The following CABCOCO1 variants were observed in gnomAD, a reference collection of about 807,000 sequenced individuals.
CABCOCO1 encodes ciliary-associated calcium-binding coiled-coil protein 1.
A neutral mutation model predicts 35.7 loss-of-function variants in CABCOCO1; 28 were observed. That is an observed-to-expected ratio of 0.78 (90% confidence interval 0.58 to 1.07). The LOEUF is 1.07. Ranked by LOEUF, CABCOCO1 falls within the 50% of genes least tolerant of loss-of-function variation. CABCOCO1 has a pLI of 0.00. For missense variants in CABCOCO1, 326 were observed against 309.2 expected (o/e 1.05, Z -0.41); for synonymous variants, 95 against 100.1 (o/e 0.95, Z 0.30).
chr10:61,713,962 A>T (rs1840795930), intron 5 of CABCOCO1, among the ~76,000 whole-genome samples: 1 of 152,082 alleles, frequency 6.6e-6, no homozygotes, highest in South Asian at 2.1e-4. Flanking sequence ...ATATTGGTCT[A>T]CAATTCTCTT....
At chr10:61,708,885 A>C (rs1045899650) in intron 5 of CABCOCO1, among the ~76,000 whole-genome samples, 2 of 152,154 alleles carry the variant, frequency 1.3e-5, no homozygotes, top group Admixed American at 6.6e-5. Flanking sequence ...TTTGTATTTC[A>C]AGGACTCAAC....
intron 5 of CABCOCO1, among the ~76,000 whole-genome samples, chr10:61,742,887 T>C (rs1841579331): frequency 6.6e-6 from 1 of 152,174 alleles, no homozygotes; most frequent in Non-Finnish European, 1.5e-5. Flanking sequence ...CTTCTAGTCC[T>C]GAAAAGGAGG....
In CABCOCO1 at chr10:61,761,089, A is replaced by G. The variant is rs191240031; in HGVS notation, c.816+86A>G. On this transcript the variant is annotated intron_variant, in intron 7 of 7. Transcript: ENST00000648843. ...TTTAATGTCTATAAACACTCCCCACACTGCCAGCATGAGCGATGCTTATGA... is the reference window on the plus strand; with the variant it reads ...TTTAATGTCTATAAACACTCCCCACGCTGCCAGCATGAGCGATGCTTATGA... The G allele has an allele frequency of 2.4e-4, 338 of 1,389,192 alleles. 1 individual carries two copies. In the African/African-American group the frequency reaches 4.1e-3, roughly 17 times the overall value. The allele number at this position is 1,389,192 out of a possible 1,614,324, so 86.1% of individuals were successfully genotyped here.
intron 3 of CABCOCO1, among the ~76,000 whole-genome samples, chr10:61,683,204 T>C (rs1839852496): frequency 6.6e-6 from 1 of 152,108 alleles, no homozygotes; most frequent in Admixed American, 6.6e-5. Flanking sequence ...AATTCCTTAT[T>C]TAATCCTCCC....
intron 5 of CABCOCO1, among the ~76,000 whole-genome samples, chr10:61,751,500 G>C (rs994177481): frequency 3.3e-5 from 5 of 152,126 alleles, no homozygotes; most frequent in African/African-American, 1.2e-4. Flanking sequence ...AGAAGCTGGT[G>C]ATGCCACCAA....
At chr10:61,681,090 A>G in intron 2 of CABCOCO1, 53 bp from the exon 3 acceptor site, 4 of 1,125,890 alleles carry the variant, frequency 3.6e-6, no homozygotes, top group Non-Finnish European at 3.5e-6. Flanking sequence ...TAGGAAAGAA[A>G]TGGTTCAATA....
At chr10:61,700,567 T>C (rs1199970063) in intron 5 of CABCOCO1, among the ~76,000 whole-genome samples, 1 of 152,110 alleles carries the variant, frequency 6.6e-6, no homozygotes, top group Non-Finnish European at 1.5e-5. Flanking sequence ...TGTACATTGT[T>C]AAACTTTCCA....
intron 5 of CABCOCO1, among the ~76,000 whole-genome samples, chr10:61,731,739 G>A (rs954250910): frequency 2.7e-5 from 4 of 147,288 alleles, no homozygotes; most frequent in Non-Finnish European, 6.0e-5. Flanking sequence ...AAGGGAGGGA[G>A]GGAGGAAGGG....
At chr10:61,761,040 A>G in intron 7 of CABCOCO1, 37 bp downstream of exon 7, 1 of 1,602,618 alleles carries the variant, frequency 6.2e-7, no homozygotes, top group Non-Finnish European at 8.5e-7. Context: ...TTACTTTATT[A>G]CTGGTTAATT....
intron 5 of CABCOCO1, among the ~76,000 whole-genome samples, chr10:61,731,769 A>C (rs1841307994): frequency 1.0e-5 from 1 of 98,202 alleles, no homozygotes; most frequent in Non-Finnish European, 1.9e-5. Context: ...AGAGGGAGGA[A>C]GGGAAGGAGG....
In CABCOCO1 at chr10:61,687,319, G is replaced by A. The variant is rs185624081; in HGVS notation, c.479+1134G>A. Among the ~76,000 whole-genome samples the A allele has an allele frequency of 6.6e-5, 10 of 152,242 alleles. No individual in the cohort carries two copies. The East Asian group carries it at 1.9e-3, about 29-fold the overall frequency. On this transcript the variant is annotated intron_variant, in intron 4 of 7. Coordinates refer to ENST00000648843, the MANE Select transcript of CABCOCO1 (RefSeq NM_001366906.2). ...AGGTCCTTGTGTTGGGGGAGACGAC[G>A]GTAATCCAAAATTGGAGGAGAGCCT...
chr10:61,694,169 A>G (rs1840231760), intron 5 of CABCOCO1, among the ~76,000 whole-genome samples: 1 of 151,254 alleles, frequency 6.6e-6, no homozygotes, highest in Admixed American at 6.6e-5. Context: ...GGATCAATGT[A>G]ATCTCCATAT....
chr10:61,748,915 T>A lies in CABCOCO1; in HGVS notation c.553-11144T>A, dbSNP rs538494934. On this transcript the variant is annotated intron_variant, in intron 5 of 7. Coordinates refer to ENST00000648843, the MANE Select transcript of CABCOCO1 (RefSeq NM_001366906.2). Reference sequence around the variant, plus strand: ...TGAAATGGATGGGTCTGATCAGGAATCAGAGCCTCGGGATGGACAATGAGA... The same window carrying A: ...TGAAATGGATGGGTCTGATCAGGAAACAGAGCCTCGGGATGGACAATGAGA... 1.3e-4 allele frequency among the ~76,000 whole-genome samples: 20 copies of A among 152,236 alleles called. No individual in the cohort carries two copies. The South Asian group carries it at 3.7e-3, about 28-fold the overall frequency.
chr10:61,693,023 A>G (rs767426521), intron 5 of CABCOCO1, among the ~76,000 whole-genome samples: 2 of 152,176 alleles, frequency 1.3e-5, no homozygotes, highest in Admixed American at 6.6e-5. Flanking sequence ...TAATTACACA[A>G]TCATGCCTTT....
At chr10:61,665,061 G>C (rs1839124433) in intron 1 of CABCOCO1, among the ~76,000 whole-genome samples, 1 of 152,088 alleles carries the variant, frequency 6.6e-6, no homozygotes. Flanking sequence ...TTCCTTTCTT[G>C]CCAAGTCTGT....
At chr10:61,723,956 CA>C (rs910774006) in intron 5 of CABCOCO1, among the ~76,000 whole-genome samples, 8 of 151,940 alleles carry the variant, frequency 5.3e-5, no homozygotes, top group Non-Finnish European at 1.0e-4. Context: ...AAATTCTGTG[CA>C]AAAAAGTAGC....
intron 5 of CABCOCO1, among the ~76,000 whole-genome samples, chr10:61,699,518 A>C (rs185385680): frequency 6.6e-6 from 1 of 152,140 alleles, no homozygotes; most frequent in East Asian, 1.9e-4. Context: ...GCCTTTTCGT[A>C]ATTACAGCTT....
chr10:61,731,604 T>C (rs1841303292), intron 5 of CABCOCO1, among the ~76,000 whole-genome samples: 1 of 151,716 alleles, frequency 6.6e-6, no homozygotes, highest in African/African-American at 2.4e-5. Flanking sequence ...ATTAAACAGA[T>C]TTTTGCAGCA....
rs576708208 is a variant in CABCOCO1 at position 61,706,269 on chromosome 10, G to A, written c.552+15648G>A. 2.3e-4 allele frequency among the ~76,000 whole-genome samples: 35 copies of A among 152,248 alleles called. No homozygotes were observed. The South Asian group carries it at 6.2e-3, about 27-fold the overall frequency. ...AGTTTATGAAAACGAACACCATACCGTGTATTAAATTACAGCCGAAATTGA... is the reference window on the plus strand; with the variant it reads ...AGTTTATGAAAACGAACACCATACCATGTATTAAATTACAGCCGAAATTGA... On this transcript the variant is annotated intron_variant, in intron 5 of 7. Transcript: ENST00000648843.
Sources: gnomAD v4.1 joint callset for allele counts (sites outside exome capture counted in the v4.1 genomes callset) on GRCh38, gnomAD v4.1.1 for gene constraint, MANE v1.5 for transcripts, NCBI Gene and HGNC (gene_info 2026-07-23, HGNC 2026-07-21) for gene names.